DCC: variants seen among roughly 807,000 people sequenced by gnomAD.
DCC encodes the protein DCC netrin 1 receptor, also known as netrin receptor DCC.
A neutral mutation model predicts 172.5 loss-of-function variants in DCC; 58 were observed. The ratio of observed to expected loss-of-function variants is 0.34; its 90% CI spans 0.27 to 0.42. The LOEUF (loss-of-function observed/expected upper bound fraction) is 0.42. DCC is among the 10% of genes least tolerant of loss of function. The pLI is 1.00. For synonymous variants in DCC, 709 were observed against 644.5 expected (o/e 1.10, Z -1.52); for missense variants, 1,740 against 1,791.0 (o/e 0.97, Z 0.51).
At chr18:53,457,285 G>T (rs576296734) in intron 23 of DCC, among the ~76,000 whole-genome samples, 1 of 152,214 alleles carries the variant, frequency 6.6e-6, no homozygotes, top group African/African-American at 2.4e-5. Flanking sequence ...TCTGGGGCTC[G>T]TTGGTACTGA....
chr18:53,217,308 TATAC>T lies in DCC; in HGVS notation c.1911+1713_1911+1716del, dbSNP rs1295459027. Among the ~76,000 whole-genome samples, 9 of 103,082 alleles carry T rather than the reference TATAC, an allele frequency of 8.7e-5. No individual in the cohort carries two copies. In the East Asian group the frequency reaches 1.2e-3, roughly 14 times the overall value. 67.6% of individuals were successfully genotyped at this position (103,082 alleles called of 152,430 possible). ...ACACACACACACACACACATATGTA[TATAC>T]ACACACACACACACACACACACAAA... On this transcript the variant is annotated intron_variant, in intron 12 of 28. Transcript: ENST00000442544.
chr18:52,563,468 C>T (rs895175555), intron 1 of DCC, among the ~76,000 whole-genome samples: 7 of 152,058 alleles, frequency 4.6e-5, no homozygotes, highest in South Asian at 2.1e-4. Flanking sequence ...ATGAACTCTG[C>T]GGTGTCTTAC....
chr18:53,206,069 T>G (rs2055621136), intron 10 of DCC, among the ~76,000 whole-genome samples: 2 of 124,920 alleles, frequency 1.6e-5, no homozygotes, highest in African/African-American at 6.6e-5. Context: ...ATATAATACA[T>G]ATATATTACA....
intron 1 of DCC, among the ~76,000 whole-genome samples, chr18:52,692,955 G>C (rs1411067562): frequency 6.6e-6 from 1 of 152,138 alleles, no homozygotes; most frequent in Non-Finnish European, 1.5e-5. Flanking sequence ...TTTAAGAACA[G>C]TCCTCTGATA....
chr18:53,036,528 G>C (rs185777977), intron 5 of DCC, among the ~76,000 whole-genome samples: 1 of 151,934 alleles, frequency 6.6e-6, no homozygotes. Context: ...CGTTCCTTCT[G>C]CTACTTCACT....
chr18:52,966,881 G>A (rs1266231701), intron 5 of DCC, among the ~76,000 whole-genome samples: 2 of 152,158 alleles, frequency 1.3e-5, no homozygotes, highest in African/African-American at 2.4e-5. Context: ...ATTGAATTTT[G>A]CTTTGTAATA....
chr18:53,312,041 G>A (rs935671515), intron 13 of DCC, among the ~76,000 whole-genome samples: 2 of 151,972 alleles, frequency 1.3e-5, no homozygotes, highest in African/African-American at 4.8e-5. Flanking sequence ...AGGGCGCGGT[G>A]GCTCATGCCT....
intron 1 of DCC, among the ~76,000 whole-genome samples, chr18:52,718,667 G>T (rs2145070513): frequency 6.6e-6 from 1 of 152,294 alleles, no homozygotes; most frequent in East Asian, 1.9e-4. Context: ...GGGATGCTCT[G>T]CAGAGGCTGC....
At chr18:53,079,680 T>TA (rs1568289724) in intron 7 of DCC, among the ~76,000 whole-genome samples, 1 of 152,136 alleles carries the variant, frequency 6.6e-6, no homozygotes, top group African/African-American at 2.4e-5. Context: ...AAGGAGAACT[T>TA]AAACAACTCT....
At chr18:53,452,251 A>C (rs979178022) in intron 23 of DCC, among the ~76,000 whole-genome samples, 5 of 152,214 alleles carry the variant, frequency 3.3e-5, no homozygotes, top group Admixed American at 6.5e-5. Context: ...ACTCATGTAA[A>C]AGAAGGTGGG....
intron 1 of DCC, among the ~76,000 whole-genome samples, chr18:52,576,826 T>A (rs577286657): frequency 9.8e-6 from 1 of 102,144 alleles, no homozygotes; most frequent in Non-Finnish European, 2.2e-5. Flanking sequence ...CAAGCCTCCA[T>A]CTCAAAAAAA....
intron 5 of DCC, among the ~76,000 whole-genome samples, chr18:53,010,588 T>C (rs1270142230): frequency 6.6e-6 from 1 of 151,134 alleles, no homozygotes; most frequent in Non-Finnish European, 1.5e-5. Flanking sequence ...GGTGTACATA[T>C]TCAAATTAAT....
intron 15 of DCC, among the ~76,000 whole-genome samples, chr18:53,350,933 C>G (rs2144899018): frequency 6.6e-6 from 1 of 151,858 alleles, no homozygotes; most frequent in East Asian, 1.9e-4. Context: ...ATGAGTACTA[C>G]TTGCTCAGAG....
intron 2 of DCC, among the ~76,000 whole-genome samples, chr18:52,901,021 G>A (rs1456525795): frequency 6.6e-6 from 1 of 152,182 alleles, no homozygotes; most frequent in Non-Finnish European, 1.5e-5. Flanking sequence ...GCTACTTGAG[G>A]GTTTGAGGAG....
intron 1 of DCC, among the ~76,000 whole-genome samples, chr18:52,688,468 A>G (rs962532477): frequency 2.0e-5 from 3 of 152,116 alleles, no homozygotes; most frequent in African/African-American, 7.2e-5. Context: ...CAGGTCTTTT[A>G]TCTAAAAATG....
At chr18:53,492,373 C>T (rs1442043759) in intron 26 of DCC, among the ~76,000 whole-genome samples, 1 of 152,122 alleles carries the variant, frequency 6.6e-6, no homozygotes, top group Non-Finnish European at 1.5e-5. Context: ...GTCATGAAGT[C>T]TTTTCCCGTG....
intron 7 of DCC, among the ~76,000 whole-genome samples, chr18:53,100,733 G>C (rs570757839): frequency 9.9e-5 from 15 of 152,236 alleles, no homozygotes; most frequent in African/African-American, 3.4e-4. Flanking sequence ...GTCTAGTTGT[G>C]CTGGTCCCAT....
At chr18:53,203,610 C>T (rs545709429) in intron 9 of DCC, among the ~76,000 whole-genome samples, 28 of 152,204 alleles carry the variant, frequency 1.8e-4, no homozygotes, top group African/African-American at 6.5e-4. Context: ...AAAAATGATG[C>T]AGAGTTACGC....
chr18:52,900,730 T>G (rs1440898110), intron 2 of DCC, among the ~76,000 whole-genome samples: 1 of 152,196 alleles, frequency 6.6e-6, no homozygotes. Flanking sequence ...TGGAAATCTG[T>G]AAGTTGGCTT....
Sources: allele counts gnomAD v4.1 joint callset (sites outside exome capture counted in the v4.1 genomes callset), GRCh38; gene constraint gnomAD v4.1.1; transcripts MANE v1.5; gene names NCBI Gene and HGNC (gene_info 2026-07-23, HGNC 2026-07-21).